TRAPPC9: variants seen among roughly 807,000 people sequenced by gnomAD.
TRAPPC9 encodes the protein trafficking protein particle complex subunit 9.
TRAPPC9 carries 83 observed loss-of-function variants against 124.0 expected under a neutral mutation model. That is an observed-to-expected ratio of 0.67 (90% confidence interval 0.56 to 0.80). The LOEUF is 0.80. Ranked by LOEUF, TRAPPC9 falls within the 30% of genes least tolerant of loss-of-function variation. The probability of loss-of-function intolerance (pLI) is 0.00; values close to 1 mark genes in which losing one functional copy is unlikely to be tolerated. For synonymous variants in TRAPPC9, 638 were observed against 617.5 expected (o/e 1.03, Z -0.49); for missense variants, 1,302 against 1,508.3 (o/e 0.86, Z 2.27).
At chr8:139,970,789 G>A (rs751326114) in intron 19 of TRAPPC9, among the ~76,000 whole-genome samples, 4 of 152,142 alleles carry the variant, frequency 2.6e-5, no homozygotes, top group Non-Finnish European at 5.9e-5. Context: ...GGCCTGCAAT[G>A]CGCAGCCCAG....
intron 17 of TRAPPC9, among the ~76,000 whole-genome samples, chr8:140,144,997 C>T (rs1023904757): frequency 1.3e-5 from 2 of 151,982 alleles, no homozygotes; most frequent in African/African-American, 2.4e-5. Flanking sequence ...CCTCAGGGGC[C>T]TCCCAAGTAC....
intron 17 of TRAPPC9, among the ~76,000 whole-genome samples, chr8:140,052,170 T>C (rs1275895099): frequency 1.3e-5 from 2 of 151,792 alleles, no homozygotes; most frequent in East Asian, 3.9e-4. Flanking sequence ...CCACAGCAAA[T>C]AAAGAACATC....
intron 19 of TRAPPC9, among the ~76,000 whole-genome samples, chr8:139,972,863 C>T (rs759015674): frequency 2.6e-5 from 4 of 152,140 alleles, no homozygotes; most frequent in Admixed American, 2.0e-4. Flanking sequence ...GGAAGAAGGT[C>T]GGAGTTCCAG....
At chr8:139,847,426 C>T (rs937787441) in intron 21 of TRAPPC9, among the ~76,000 whole-genome samples, 5 of 152,222 alleles carry the variant, frequency 3.3e-5, no homozygotes, top group Non-Finnish European at 5.9e-5. Context: ...TCATCCCACT[C>T]CTCACCCAAA....
chr8:139,782,017 T>C (rs1021379771), intron 21 of TRAPPC9, among the ~76,000 whole-genome samples: 2 of 152,036 alleles, frequency 1.3e-5, no homozygotes, highest in Non-Finnish European at 2.9e-5. Flanking sequence ...ATTTTCAGGA[T>C]AAAGAAAAGC....
intron 17 of TRAPPC9, among the ~76,000 whole-genome samples, chr8:140,114,420 A>G (rs550208718): frequency 1.3e-5 from 2 of 152,070 alleles, no homozygotes; most frequent in East Asian, 3.9e-4. Flanking sequence ...CTTTAGGCCC[A>G]TGTAGTCCAA....
At chr8:140,304,761 C>T (rs2066077746) in intron 10 of TRAPPC9, among the ~76,000 whole-genome samples, 1 of 152,192 alleles carries the variant, frequency 6.6e-6, no homozygotes, top group South Asian at 2.1e-4. Context: ...TTGCCCAACT[C>T]CTGCCAAAAG....
intron 17 of TRAPPC9, among the ~76,000 whole-genome samples, chr8:140,120,092 C>G (rs570477173): frequency 1.9e-4 from 29 of 152,266 alleles, no homozygotes; most frequent in Non-Finnish European, 3.8e-4. Flanking sequence ...AGGTGAACCC[C>G]TGGGTGTTTG....
chr8:140,113,523 A>G (rs1253040990), intron 17 of TRAPPC9, among the ~76,000 whole-genome samples: 1 of 152,210 alleles, frequency 6.6e-6, no homozygotes, highest in Admixed American at 6.5e-5. Context: ...TCCCGGCTTC[A>G]GGGTTGCAGG....
At chr8:139,979,355 C>T (rs1458052691) in intron 19 of TRAPPC9, among the ~76,000 whole-genome samples, 1 of 152,214 alleles carries the variant, frequency 6.6e-6, no homozygotes, top group Non-Finnish European at 1.5e-5. Context: ...CACCCGCCCA[C>T]TCGCAAGCCA....
At position 140,157,284 on chromosome 8, in the gene TRAPPC9, A is replaced by G. The variant is rs866135446; in HGVS notation, c.2556+64175T>C. ...TTCAAAAGCCTCCCTTTTCCATTCA[A>G]AAGCCTCCCTTTTCCATTCAAAAGC... On this transcript the variant is annotated intron_variant, in intron 17 of 22. Transcript: ENST00000438773. 3.6e-3 allele frequency among the ~76,000 whole-genome samples: 74 copies of G among 20,558 alleles called. 1 individual carries two copies. The highest frequency in any genetic ancestry group is 0.018 in the East Asian group (7 of 388). 13.5% of individuals were successfully genotyped at this position (20,558 alleles called of 152,430 possible). A position where few individuals can be genotyped will look rare whatever the true frequency, so the allele number is the denominator to read the frequency against.
At chr8:140,245,169 G>A (rs1283090542) in intron 16 of TRAPPC9, among the ~76,000 whole-genome samples, 1 of 152,122 alleles carries the variant, frequency 6.6e-6, no homozygotes, top group Non-Finnish European at 1.5e-5. Context: ...AAAAATAAAG[G>A]TATCACTTAA....
At position 140,229,428 on chromosome 8, in the gene TRAPPC9, AT is replaced by A. The variant is rs1020218278; in HGVS notation, c.2432-7846del. 6.3e-4 allele frequency among the ~76,000 whole-genome samples: 95 copies of A among 150,198 alleles called. No homozygotes were observed. The South Asian group carries it at 0.015, about 24-fold the overall frequency. On this transcript the variant is annotated intron_variant, in intron 16 of 22. Coordinates refer to ENST00000438773, the MANE Select transcript of TRAPPC9 (RefSeq NM_001160372.4). ...GGGCACCTGCCACCAAGCCTGGCTA[AT>A]TTTTTTTCGTATTTTTAGTAGAGAT... is the stretch of plus-strand genomic sequence containing the variant.
chr8:140,290,850 A>G, intron 12 of TRAPPC9, 143 bp downstream of exon 12: 1 of 722,262 alleles, frequency 1.4e-6, no homozygotes, highest in Non-Finnish European at 2.5e-6. Context: ...GTCTTCATTT[A>G]CAATAAGCTT....
chr8:139,975,456 A>C (rs986069439), intron 19 of TRAPPC9, among the ~76,000 whole-genome samples: 18 of 152,326 alleles, frequency 1.2e-4, no homozygotes, highest in African/African-American at 4.1e-4. Context: ...CACTTTGAGA[A>C]CCACGACTCC....
intron 11 of TRAPPC9, among the ~76,000 whole-genome samples, chr8:140,296,547 T>G (rs1478906071): frequency 6.6e-6 from 1 of 152,212 alleles, no homozygotes; most frequent in Non-Finnish European, 1.5e-5. Context: ...ATTACAGGCG[T>G]GGGCCACCAC....
At chr8:139,999,572 G>A (rs1395499682) in intron 18 of TRAPPC9, among the ~76,000 whole-genome samples, 2 of 152,032 alleles carry the variant, frequency 1.3e-5, no homozygotes, top group African/African-American at 4.8e-5. Context: ...ACTTCATACT[G>A]ATTGATAATT....
At chr8:140,084,234 C>T (rs1453771598) in intron 17 of TRAPPC9, among the ~76,000 whole-genome samples, 1 of 152,126 alleles carries the variant, frequency 6.6e-6, no homozygotes, top group African/African-American at 2.4e-5. Flanking sequence ...ACAATTTTAG[C>T]ATCTTCTATA....
At chr8:140,317,366 C>G (rs1378677758) in intron 9 of TRAPPC9, among the ~76,000 whole-genome samples, 1 of 152,128 alleles carries the variant, frequency 6.6e-6, no homozygotes, top group Non-Finnish European at 1.5e-5. Context: ...GGAGTCCCTT[C>G]TGGTTGGTTC....
Sources: allele counts gnomAD v4.1 joint callset (sites outside exome capture counted in the v4.1 genomes callset), GRCh38; gene constraint gnomAD v4.1.1; transcripts MANE v1.5; gene names NCBI Gene and HGNC (gene_info 2026-07-23, HGNC 2026-07-21).